The following TK2 variants were observed in gnomAD, a reference collection of about 807,000 sequenced individuals.
TK2 encodes the protein thymidine kinase 2, mitochondrial.
Under a neutral mutation model 41.9 loss-of-function variants are expected in TK2, and 35 were observed. That is an observed-to-expected ratio of 0.84 (90% CI 0.64 to 1.11). The LOEUF (loss-of-function observed/expected upper bound fraction) is 1.11. Ranked by LOEUF, TK2 falls within the 50% of genes least tolerant of loss-of-function variation. The pLI is 0.00. For missense variants in TK2, 320 were observed against 351.1 expected (o/e 0.91, Z 0.71); for synonymous variants, 128 against 129.1 (o/e 0.99, Z 0.06).
At chr16:66,532,797 C>T (rs1349055064) in intron 4 of TK2, among the ~76,000 whole-genome samples, 1 of 151,908 alleles carries the variant, frequency 6.6e-6, no homozygotes, top group Non-Finnish European at 1.5e-5. Flanking sequence ...AATGACAATA[C>T]TACCCAAAGC....
At chr16:66,542,504 T>C (rs1965487190) in intron 2 of TK2, among the ~76,000 whole-genome samples, 1 of 152,216 alleles carries the variant, frequency 6.6e-6, no homozygotes, top group African/African-American at 2.4e-5. Context: ...TTATCACATG[T>C]AACCTCACTG....
intron 6 of TK2, among the ~76,000 whole-genome samples, chr16:66,521,052 G>A (rs1346092569): frequency 2.0e-5 from 3 of 152,188 alleles, no homozygotes; most frequent in Non-Finnish European, 4.4e-5. Context: ...AGTGTCCAAG[G>A]CTGGACTAGC....
At chr16:66,540,316 G>A (rs1367907984) in intron 3 of TK2, among the ~76,000 whole-genome samples, 1 of 151,772 alleles carries the variant, frequency 6.6e-6, no homozygotes, top group Non-Finnish European at 1.5e-5. Context: ...GGGACTACAG[G>A]CATGTGCCAC....
chr16:66,547,478 C>T (rs1965643973), intron 2 of TK2, among the ~76,000 whole-genome samples: 1 of 152,114 alleles, frequency 6.6e-6, no homozygotes, highest in South Asian at 2.1e-4. Context: ...TGGCCACAAG[C>T]CCAGGCCTGC....
chr16:66,512,873 CCAAA>C (rs1964492737), intron 9 of TK2, among the ~76,000 whole-genome samples: 1 of 152,114 alleles, frequency 6.6e-6, no homozygotes, highest in Admixed American at 6.6e-5. Context: ...GTGTTTGAGC[CCAAA>C]CAGATATTCC....
At chr16:66,549,800 C>G (rs757502583) in intron 1 of TK2, 138 bp downstream of exon 1, 4 of 1,287,122 alleles carry the variant, frequency 3.1e-6, no homozygotes, top group African/African-American at 1.6e-5. Context: ...TGGCCGCCCC[C>G]GTCCCAGCCG....
intron 6 of TK2, among the ~76,000 whole-genome samples, chr16:66,524,399 G>A (rs1964868827): frequency 6.6e-6 from 1 of 152,138 alleles, no homozygotes; most frequent in Non-Finnish European, 1.5e-5. Context: ...GCAGTGGTAT[G>A]CTCATAGCTC....
Position 66,525,145 on chromosome 16 carries a change from C to T in TK2, c.449+3849G>A, listed in dbSNP as rs190315344. Among the ~76,000 whole-genome samples the T allele has an allele frequency of 6.6e-5, 10 of 152,280 alleles. No individual in the cohort carries two copies. In the East Asian group the frequency reaches 1.5e-3, roughly 24 times the overall value. Reference sequence around the variant, plus strand: ...TTCCTTAACCATGAGAGCAGATGCCCCCGTTTCCAGGGAACACATAAGCAG... The same window carrying T: ...TTCCTTAACCATGAGAGCAGATGCCTCCGTTTCCAGGGAACACATAAGCAG... On this transcript the variant is annotated intron_variant, in intron 6 of 9. Coordinates refer to ENST00000544898, the MANE Select transcript of TK2 (RefSeq NM_004614.5).
intron 8 of TK2, among the ~76,000 whole-genome samples, chr16:66,515,460 G>A (rs1212807059): frequency 2.6e-5 from 4 of 152,262 alleles, no homozygotes; most frequent in Admixed American, 6.5e-5. Context: ...CATGGGGCCT[G>A]CATGCCAGGC....
chr16:66,517,263 G>C lies in TK2; in HGVS notation c.539-48C>G. 1.9e-6 allele frequency: 3 copies of C among 1,546,904 alleles called. No individual in the cohort carries two copies. The highest frequency in any genetic ancestry group is 2.7e-6 in the Non-Finnish European group (3 of 1,118,874). On this transcript the variant is annotated intron_variant, in intron 7 of 9. Transcript: ENST00000544898. This position sits in a 1 kb window ranked among gnomAD's most constrained non-coding sequence, Gnocchi z 4.3. ...CTCTCAGGACTCTGCTCATGGCTTG[G>C]AAGCAAAGCAGGCACACAGGCAAAG...
At chr16:66,513,319 C>T (rs1964506477) in intron 9 of TK2, among the ~76,000 whole-genome samples, 2 of 152,192 alleles carry the variant, frequency 1.3e-5, no homozygotes, top group African/African-American at 4.8e-5. Context: ...TGTGTGACAG[C>T]CCAGACCAGA....
chr16:66,540,177 T>C (rs1292443594), intron 3 of TK2, among the ~76,000 whole-genome samples: 2 of 148,242 alleles, frequency 1.3e-5, no homozygotes, highest in Non-Finnish European at 3.0e-5. Context: ...TTTTTTCTTT[T>C]TTTTTTTTTT....
rs281865488 is a variant in TK2 at position 66,541,912 on chromosome 16, G to A, written c.198C>T (p.Cys66=). 6.2e-7 allele frequency: 1 copy of A among 1,614,102 alleles called. No homozygotes were observed. Among genetic ancestry groups the A allele is most frequent in the East Asian group, 2.2e-5 (1 of 44,884 alleles). ...CTGTCGCGTTGGAGAAGAATTCCAG[G>A]CATGTCGTCTTCCCACTTGCAATAT... ...EGNIASGKTT[C]LEFFSNATDV... Residue 66 remains cysteine, a synonymous_variant, in exon 3 of 10, where the codon TGC becomes TGT. Transcript: ENST00000544898.
At chr16:66,539,043 T>C (rs1435093168) in intron 3 of TK2, among the ~76,000 whole-genome samples, 1 of 152,218 alleles carries the variant, frequency 6.6e-6, no homozygotes, top group Non-Finnish European at 1.5e-5. Flanking sequence ...TTAGTATTTA[T>C]GATGAACCCT....
intron 3 of TK2, among the ~76,000 whole-genome samples, chr16:66,539,353 CT>C (rs1414585995): frequency 6.6e-6 from 1 of 152,114 alleles, no homozygotes; most frequent in Non-Finnish European, 1.5e-5. Context: ...AATCCCAGCA[CT>C]TTGGGAGGCT....
Position 66,509,114 on chromosome 16 carries a change from G to A in TK2, c.*2854C>T, listed in dbSNP as rs1035559192. 1.3e-5 allele frequency: 2 copies of A among 152,592 alleles called. No homozygotes were observed. The highest frequency in any genetic ancestry group is 4.8e-5 in the African/African-American group (2 of 41,470). The allele number at this position is 152,592 out of a possible 1,614,324, so 9.5% of individuals were successfully genotyped here. A position where few individuals can be genotyped will look rare whatever the true frequency, so the allele number is the denominator to read the frequency against. ...CCCACCTCCCAGGGCCTCTAGCAAA[G>A]CCTCGTAAGAACCTTCCAGCTTATC... is the stretch of plus-strand genomic sequence containing the variant. On this transcript the variant is annotated 3_prime_UTR_variant, in exon 10 of 10. Transcript: ENST00000544898.
intron 2 of TK2, among the ~76,000 whole-genome samples, chr16:66,545,467 C>T (rs1047933064): frequency 6.6e-6 from 1 of 152,212 alleles, no homozygotes; most frequent in African/African-American, 2.4e-5. Context: ...GCCATGAATA[C>T]TATTCAGCTA....
chr16:66,519,069 C>G (rs1964702367), intron 6 of TK2, among the ~76,000 whole-genome samples: 1 of 152,040 alleles, frequency 6.6e-6, no homozygotes, highest in Non-Finnish European at 1.5e-5. Flanking sequence ...TCACGCCATT[C>G]TCCTGCCTCA....
At chr16:66,544,956 G>A (rs950790823) in intron 2 of TK2, among the ~76,000 whole-genome samples, 14 of 151,988 alleles carry the variant, frequency 9.2e-5, no homozygotes, top group South Asian at 6.2e-4. Context: ...GCGTGGTGGC[G>A]GATGCCTGTA....
Sources: gnomAD v4.1 joint callset for allele counts (sites outside exome capture counted in the v4.1 genomes callset) on GRCh38, gnomAD v4.1.1 for gene constraint, Gnocchi (gnomAD v3.1) non-coding constraint, MANE v1.5 for transcripts, NCBI Gene and HGNC (gene_info 2026-07-23, HGNC 2026-07-21) for gene names.